The following ADAMTSL2 variants were observed in gnomAD, a reference collection of about 807,000 sequenced individuals.
The protein encoded by ADAMTSL2 is ADAMTS-like protein 2.
In ADAMTSL2, 55 loss-of-function variants were observed where a neutral mutation model predicts 117.0. The ratio of observed to expected loss-of-function variants is 0.47; its 90% CI spans 0.38 to 0.59. The LOEUF (loss-of-function observed/expected upper bound fraction) is 0.59. ADAMTSL2 is among the 20% of genes least tolerant of loss of function. The probability of loss-of-function intolerance (pLI) is 0.00; values close to 1 mark genes in which losing one functional copy is unlikely to be tolerated. For synonymous variants in ADAMTSL2, 572 were observed against 566.4 expected, an observed-to-expected ratio of 1.01 and a Z score of -0.14; for missense variants, 1,182 against 1,354.5, an observed-to-expected ratio of 0.87 and a Z score of 2.00.
chr9:133,551,295 G>GGAC (rs1469389781), intron 9 of ADAMTSL2, among the ~76,000 whole-genome samples: 1 of 132,330 alleles, frequency 7.6e-6, no homozygotes. Flanking sequence ...TCATCATAAG[G>GGAC]GCCCCCCCAC....
At chr9:133,553,247 C>T (rs1171100260) in intron 9 of ADAMTSL2, among the ~76,000 whole-genome samples, 4 of 152,246 alleles carry the variant, frequency 2.6e-5, no homozygotes, top group African/African-American at 4.8e-5. Flanking sequence ...CCCCACACCC[C>T]GAGTCTCAAG....
chr9:133,538,702 G>A (rs1003754740), intron 4 of ADAMTSL2, among the ~76,000 whole-genome samples: 4 of 152,164 alleles, frequency 2.6e-5, no homozygotes, highest in South Asian at 2.1e-4. Context: ...CAGCCTCAAG[G>A]TTTGGGGTCT....
chr9:133,535,168 A>G (rs1332911578), intron 1 of ADAMTSL2, among the ~76,000 whole-genome samples: 1 of 152,118 alleles, frequency 6.6e-6, no homozygotes, highest in African/African-American at 2.4e-5. Context: ...TTTGGACCCC[A>G]GGGAGGGATG....
chr9:133,573,825 C>T lies in ADAMTSL2; in HGVS notation c.2593-18C>T. 1.9e-6 allele frequency: 3 copies of T among 1,614,006 alleles called. No homozygotes were observed. Among genetic ancestry groups the T allele is most frequent in the Non-Finnish European group, 1.7e-6 (2 of 1,180,018 alleles). ...CATCAGGAGGCTTTCCCCATGCCTT[C>T]TGTCTCTCCCACACCAGTGCACCAA... On this transcript the variant is annotated intron_variant, in intron 17 of 18. Transcript: ENST00000651351.
intron 7 of ADAMTSL2, among the ~76,000 whole-genome samples, chr9:133,542,744 CTG>C (rs1240351889): frequency 6.6e-6 from 1 of 151,794 alleles, no homozygotes; most frequent in Non-Finnish European, 1.5e-5. Flanking sequence ...TACTCTTGGC[CTG>C]TGATCCTCCC....
In ADAMTSL2 at chr9:133,539,909, C is replaced by G. The variant is rs369103581; in HGVS notation, c.412+36C>G. 6.4e-5 allele frequency: 99 copies of G among 1,541,238 alleles called. No homozygotes were observed. The African/African-American group carries it at 1.1e-3, about 17-fold the overall frequency. ...CCCTGGGGACCCACCTTGCAGGGAG[C>G]TGACTGAGCTTTGGGGGTAGCCCTT... On this transcript the variant is annotated intron_variant, in intron 5 of 18. Transcript: ENST00000651351.
chr9:133,558,454 A>AG lies in ADAMTSL2; in HGVS notation c.1649+2528dup, dbSNP rs1201393511. Among the ~76,000 whole-genome samples, 1 of 152,204 alleles carries AG rather than the reference A, an allele frequency of 6.6e-6. No individual in the cohort carries two copies. Among genetic ancestry groups the AG allele is most frequent in the Non-Finnish European group, 1.5e-5 (1 of 68,032 alleles). On this transcript the variant is annotated intron_variant, in intron 11 of 18. Transcript: ENST00000651351. This position sits in a 1 kb window ranked among gnomAD's most constrained non-coding sequence, Gnocchi z 4.3. The stretch of plus-strand genomic sequence containing the variant: ...CAGAAAAGCTTCAAACAATCAAGGG[A>AG]GGGGCCCCTGTCACCAGACTCCGAC...
At chr9:133,556,047 A>G in intron 11 of ADAMTSL2, 117 bp downstream of exon 11, 6 of 1,336,290 alleles carry the variant, frequency 4.5e-6, no homozygotes, top group Non-Finnish European at 6.0e-6. Context: ...GAGGTCCTAG[A>G]GGTAGAGGAG....
chr9:133,565,282 G>A (rs920823770), intron 12 of ADAMTSL2, among the ~76,000 whole-genome samples: 9 of 152,152 alleles, frequency 5.9e-5, no homozygotes, highest in Non-Finnish European at 1.2e-4. Flanking sequence ...TTCCCATTTC[G>A]GGAAGGAGCA....
intron 16 of ADAMTSL2, 84 bp from the exon 17 acceptor site, chr9:133,570,247 G>C: frequency 6.8e-7 from 1 of 1,472,078 alleles, no homozygotes; most frequent in Non-Finnish European, 9.1e-7. Context: ...TGACCAGCCC[G>C]TTGTCACCAG....
rs1040614932 is a variant in ADAMTSL2, at chr9:133,554,062, C to T, written c.940-295C>T. On this transcript the variant is annotated intron_variant, in intron 9 of 18. Coordinates refer to ENST00000651351, the MANE Select transcript of ADAMTSL2 (RefSeq NM_014694.4). The surrounding 1 kb of genome is among the most constrained non-coding windows in gnomAD (Gnocchi z 5.2). Reference sequence around the variant, plus strand: ...ATTCTCTGCATACAGCATGCAGAGACGAGGGCCCACCTGGGCGTGCCTGGA... The same window carrying T: ...ATTCTCTGCATACAGCATGCAGAGATGAGGGCCCACCTGGGCGTGCCTGGA... Among the ~76,000 whole-genome samples the T allele has an allele frequency of 5.3e-5, 8 of 152,200 alleles. No homozygotes were observed. The highest frequency in any genetic ancestry group is 1.9e-4 in the African/African-American group (8 of 41,446).
At chr9:133,563,904 G>A (rs1428151192) in intron 12 of ADAMTSL2, among the ~76,000 whole-genome samples, 5 of 1,656 alleles carry the variant, frequency 3.0e-3, no homozygotes, top group African/African-American at 4.6e-3. Flanking sequence ...AGAGAGAAGG[G>A]GAGAGAGAGA....
chr9:133,541,979 C>T (rs1325208521), intron 7 of ADAMTSL2, among the ~76,000 whole-genome samples: 1 of 152,236 alleles, frequency 6.6e-6, no homozygotes, highest in Non-Finnish European at 1.5e-5. Flanking sequence ...AGGACAGCTT[C>T]AGACCCACTT....
chr9:133,568,282 G>A lies in ADAMTSL2; in HGVS notation c.1884G>A (p.Thr628=), dbSNP rs1488996661. 1.5e-5 allele frequency: 24 copies of A among 1,566,130 alleles called. No homozygotes were observed. The highest frequency in any genetic ancestry group is 1.8e-5 in the Non-Finnish European group (21 of 1,157,070). Residue 628 remains threonine, a synonymous_variant, in exon 14 of 19, where the codon ACG becomes ACA. Transcript: ENST00000651351. ...TCCGCTCCCGGGGCAGGTGGGAGAC[G>A]AGCAGCTGGAGCGAGTGTTCGCGCA... ...AGRECQPRWE[T]SSWSECSRTC...
At position 133,539,651 on chromosome 9, in the gene ADAMTSL2, G is replaced by A. The variant is rs563122009; in HGVS notation, c.310-120G>A. 108 of 84,808 alleles carry A rather than the reference G, an allele frequency of 1.3e-3. No homozygotes were observed. The African/African-American group carries it at 0.013, about 10-fold the overall frequency. 5.3% of individuals were successfully genotyped at this position (84,808 alleles called of 1,614,324 possible). On this transcript the variant is annotated intron_variant, in intron 4 of 18. Transcript: ENST00000651351. ...GGCCACCCCGTGGGCCGTGGCCCCC[G>A]CACGGCTGTCCCGGCTGTCCCGGCT...
At chr9:133,539,663 C>T (rs1427002316) in intron 4 of ADAMTSL2, 108 bp from the exon 5 acceptor site, 4 of 1,112,754 alleles carry the variant, frequency 3.6e-6, no homozygotes, top group Non-Finnish European at 3.9e-6. Context: ...ACGGCTGTCC[C>T]GGCTGTCCCG....
At chr9:133,539,012 C>A (rs1486011540) in intron 4 of ADAMTSL2, among the ~76,000 whole-genome samples, 1 of 152,168 alleles carries the variant, frequency 6.6e-6, no homozygotes, top group Non-Finnish European at 1.5e-5. Flanking sequence ...GGGATCTGGG[C>A]CTCCCAGGCT....
chr9:133,536,106 T>A (rs1830044182), intron 1 of ADAMTSL2, among the ~76,000 whole-genome samples: 1 of 152,218 alleles, frequency 6.6e-6, no homozygotes, highest in African/African-American at 2.4e-5. Flanking sequence ...CGGCTGTTGC[T>A]GGATGCTGAC....
At chr9:133,541,387 C>T (rs546163973) in intron 7 of ADAMTSL2, among the ~76,000 whole-genome samples, 9 of 151,676 alleles carry the variant, frequency 5.9e-5, no homozygotes, top group African/African-American at 1.5e-4. Flanking sequence ...CTCCCAGGTT[C>T]GAGCGATTCT....
Sources: allele counts gnomAD v4.1 joint callset (sites outside exome capture counted in the v4.1 genomes callset), GRCh38; gene constraint gnomAD v4.1.1; non-coding constraint Gnocchi (gnomAD v3.1); transcripts MANE v1.5; gene names NCBI Gene and HGNC (gene_info 2026-07-23, HGNC 2026-07-21).